The following SLC12A6 variants were observed in gnomAD, a reference collection of about 807,000 sequenced individuals.
SLC12A6 encodes the protein K-Cl cotransporter 3.
In SLC12A6, 66 loss-of-function variants were observed where a neutral mutation model predicts 135.3. That is an observed-to-expected ratio of 0.49 (90% CI 0.40 to 0.60). SLC12A6 has a LOEUF of 0.60. Ranked by LOEUF, SLC12A6 falls within the 20% of genes least tolerant of loss-of-function variation. The pLI is 0.00. For missense variants in SLC12A6, 1,058 were observed against 1,452.3 expected (o/e 0.73, Z 4.41); for synonymous variants, 513 against 508.8 (o/e 1.01, Z -0.11).
In SLC12A6 at chr15:34,311,879, T is replaced by C. The variant is rs530176878; in HGVS notation, c.271+24531A>G. Among the ~76,000 whole-genome samples, 157 of 152,300 alleles carry C rather than the reference T, an allele frequency of 1.0e-3. 1 individual carries two copies. The highest frequency in any genetic ancestry group is 2.0e-3 in the Non-Finnish European group (135 of 68,016). The stretch of plus-strand genomic sequence containing the variant: ...TCTTTTTATCATTGCCTCTAAACCT[T>C]CCTGCAAGAATTGTGTCCCTTCCTC... On this transcript the variant is annotated intron_variant, in intron 2 of 25. Coordinates refer to ENST00000354181, the MANE Select transcript of SLC12A6 (RefSeq NM_001365088.1).
intron 2 of SLC12A6, among the ~76,000 whole-genome samples, chr15:34,322,507 T>C (rs1453573180): frequency 6.6e-6 from 1 of 152,188 alleles, no homozygotes; most frequent in Non-Finnish European, 1.5e-5. Context: ...TAATAATGCA[T>C]TGTGAAGTAT....
intron 2 of SLC12A6, among the ~76,000 whole-genome samples, chr15:34,285,482 G>A (rs1370095698): frequency 1.3e-5 from 2 of 149,986 alleles, no homozygotes; most frequent in African/African-American, 2.4e-5. Context: ...GCTAGCAATC[G>A]AATTAAAGGC....
At chr15:34,279,733 T>C (rs1025527901) in intron 2 of SLC12A6, among the ~76,000 whole-genome samples, 7 of 152,202 alleles carry the variant, frequency 4.6e-5, no homozygotes, top group African/African-American at 1.7e-4. Context: ...CATGATGGTC[T>C]TCATAAATAA....
rs753473353 is a variant in SLC12A6 at position 34,254,596 on chromosome 15, G to T, written c.877-7C>A. On this transcript the variant is annotated splice_region_variant and splice_polypyrimidine_tract_variant and intron_variant, in intron 8 of 25. Transcript: ENST00000354181. ...CTCGGGGGACGATATAGACCTGTTA[G>T]GTAAAAATAAAGGAGAAAATTAGGT... The T allele has an allele frequency of 6.9e-6, 11 of 1,596,362 alleles. No homozygotes were observed. The highest frequency in any genetic ancestry group is 9.5e-6 in the Non-Finnish European group (11 of 1,163,950).
chr15:34,326,727 T>C (rs1320353347), intron 2 of SLC12A6, among the ~76,000 whole-genome samples: 1 of 151,268 alleles, frequency 6.6e-6, no homozygotes, highest in African/African-American at 2.4e-5. Context: ...GGTCTTGCTC[T>C]GTCACCCAGG....
At chr15:34,235,400 T>C in intron 24 of SLC12A6, 86 bp from the exon 25 acceptor site, 1 of 1,105,690 alleles carries the variant, frequency 9.0e-7, no homozygotes, top group Non-Finnish European at 1.4e-6. Context: ...CCTGAGCTTT[T>C]TCACTTGACT....
chr15:34,282,336 A>T (rs961021828), intron 2 of SLC12A6, among the ~76,000 whole-genome samples: 3 of 152,242 alleles, frequency 2.0e-5, no homozygotes, highest in African/African-American at 7.2e-5. Context: ...TATAATATTC[A>T]GCATTCCTAA....
chr15:34,328,606 C>T (rs560845388), intron 2 of SLC12A6, among the ~76,000 whole-genome samples: 40 of 152,122 alleles, frequency 2.6e-4, no homozygotes, highest in Non-Finnish European at 4.6e-4. Flanking sequence ...GGGCCAGGTG[C>T]GGTGGGTCAC....
intron 15 of SLC12A6, 54 bp from the exon 16 acceptor site, chr15:34,244,126 G>T: frequency 9.8e-7 from 1 of 1,023,870 alleles, no homozygotes; most frequent in Non-Finnish European, 1.6e-6. Flanking sequence ...ATTCTTTGAA[G>T]GTTAAGTAAC....
intron 2 of SLC12A6, among the ~76,000 whole-genome samples, chr15:34,306,174 G>A (rs1416394539): frequency 6.6e-6 from 1 of 152,208 alleles, no homozygotes; most frequent in Non-Finnish European, 1.5e-5. Context: ...ACCTCATGGG[G>A]GATGAGATTT....
intron 2 of SLC12A6, among the ~76,000 whole-genome samples, chr15:34,308,643 A>AAAAAAC (rs1887918617): frequency 5.3e-5 from 8 of 151,248 alleles, no homozygotes; most frequent in Admixed American, 2.0e-4. Context: ...AAAAAAAAAA[A>AAAAAAC]AAAAAAAAAC....
chr15:34,297,632 T>C (rs1216216958), intron 2 of SLC12A6, among the ~76,000 whole-genome samples: 1 of 152,120 alleles, frequency 6.6e-6, no homozygotes, highest in East Asian at 1.9e-4. Context: ...CAGGGAGACG[T>C]GCAACATTGA....
chr15:34,254,720 G>C (rs1892630345), intron 8 of SLC12A6, 131 bp from the exon 9 acceptor site: 10 of 693,294 alleles, frequency 1.4e-5, no homozygotes, highest in Non-Finnish European at 2.4e-5. Flanking sequence ...AATTAGCCTA[G>C]TTTCTAATAG....
chr15:34,258,980 A>C (rs1357903707), intron 4 of SLC12A6, 36 bp from the exon 5 acceptor site: 1 of 1,547,662 alleles, frequency 6.5e-7, no homozygotes, highest in Admixed American at 1.7e-5. Context: ...ATGAGCTACA[A>C]AGAACACTGA....
Position 34,245,296 on chromosome 15 carries a change from T to A in SLC12A6, c.1932A>T (p.Pro644=), listed in dbSNP as rs762916085. The A allele has an allele frequency of 1.9e-6, 3 of 1,566,070 alleles. No homozygotes were observed. The Admixed American group carries it at 5.0e-5, about 26-fold the overall frequency. The stretch of plus-strand genomic sequence containing the variant: ...TCACTGGCTCTTACATGGAAAGAAT[T>A]GGGGCCACAAGATCCAGGGAGGCAA... ...ILIASLDLVA[P]ILSMFFLMCY... Residue 644 remains proline, a synonymous_variant, in exon 15 of 26, where the codon CCA becomes CCT. Coordinates refer to ENST00000354181, the MANE Select transcript of SLC12A6 (RefSeq NM_001365088.1).
intron 2 of SLC12A6, among the ~76,000 whole-genome samples, chr15:34,308,604 A>G (rs978046289): frequency 6.8e-6 from 1 of 147,466 alleles, no homozygotes; most frequent in Non-Finnish European, 1.5e-5. Context: ...CAGCCTGAGC[A>G]AGGAAGCCAG....
Position 34,245,750 on chromosome 15 carries a change from T to C in SLC12A6, c.1767A>G (p.Thr589=), listed in dbSNP as rs1425210866. 6.2e-7 allele frequency: 1 copy of C among 1,613,370 alleles called. No individual in the cohort carries two copies. The highest frequency in any genetic ancestry group is 1.3e-5 in the African/African-American group (1 of 74,900). Residue 589 remains threonine, a synonymous_variant, in exon 14 of 26, where the codon ACA becomes ACG. Transcript: ENST00000354181. The stretch of plus-strand genomic sequence containing the variant: ...TAGCTTGTAGCAGCCTCGGTGCACC[T>C]GTGAGGCTCTGAAGTCCAGCCCCAC... ...STCGAGLQSL[T]GAPRLLQAIA...
chr15:34,240,584 T>A, intron 19 of SLC12A6, 77 bp downstream of exon 19: 1 of 1,224,938 alleles, frequency 8.2e-7, no homozygotes, highest in East Asian at 2.3e-5. Context: ...AAGATTCAAG[T>A]AGAAGTTTGA....
chr15:34,310,174 A>AGTGT (rs60783164), intron 2 of SLC12A6, among the ~76,000 whole-genome samples: 6,711 of 127,680 alleles, frequency 0.053, 311 homozygotes, highest in African/African-American at 0.082. Flanking sequence ...ACGCCCAGCT[A>AGTGT]GTGTGTGTGT....
Sources: gnomAD v4.1 joint callset for allele counts (sites outside exome capture counted in the v4.1 genomes callset) on GRCh38, gnomAD v4.1.1 for gene constraint, MANE v1.5 for transcripts, NCBI Gene and HGNC (gene_info 2026-07-23, HGNC 2026-07-21) for gene names.